Variants in ADAM9 observed in about 807,000 individuals in gnomAD.
ADAM9 encodes the protein disintegrin and metalloproteinase domain-containing protein 9.
A neutral mutation model predicts 108.1 loss-of-function variants in ADAM9; 54 were observed. That is an observed-to-expected ratio of 0.50 (90% CI 0.40 to 0.63). The LOEUF is 0.63. Among genes scored for constraint, ADAM9 ranks in the 20% least tolerant of loss-of-function variants. ADAM9 has a pLI of 0.00. For synonymous variants in ADAM9, 316 were observed against 336.0 expected, an observed-to-expected ratio of 0.94 and a Z score of 0.65; for missense variants, 830 against 997.7, an observed-to-expected ratio of 0.83 and a Z score of 2.26.
intron 14 of ADAM9, among the ~76,000 whole-genome samples, chr8:39,066,127 A>G (rs955911706): frequency 5.3e-5 from 8 of 152,194 alleles, no homozygotes; most frequent in African/African-American, 1.9e-4. Context: ...TCTATGTGCC[A>G]CGTTTTCTTA....
chr8:39,103,609 C>G lies in ADAM9; in HGVS notation c.2369C>G (p.Pro790Arg), dbSNP rs1839768748. The change falls in exon 22 of 22, where the codon CCA becomes CGA. Residue 790 changes from proline (P) to arginine (R), a missense_variant and splice_region_variant. This residue lies in a region of ADAM9 where 238 missense variants were observed against 235.7 expected (regional missense o/e 1.01). Coordinates refer to ENST00000487273, the MANE Select transcript of ADAM9 (RefSeq NM_003816.3). ...AKQPQQFPSR[P>R]PPPQPKVSSQ... ...AACTATCTCTTTTCCCCTCGCAGGC[C>G]ACCTCCACCACAACCGAAAGTATCA... The G allele has an allele frequency of 6.2e-7, 1 of 1,614,008 alleles. No homozygotes were observed. The highest frequency in any genetic ancestry group is 2.2e-5 in the East Asian group (1 of 44,868).
At chr8:39,036,035 T>G (rs1338185459) in intron 11 of ADAM9, among the ~76,000 whole-genome samples, 2 of 152,148 alleles carry the variant, frequency 1.3e-5, no homozygotes, top group Non-Finnish European at 2.9e-5. Context: ...TTTGGCTTTT[T>G]TTTTTAGATG....
At chr8:39,002,587 C>A (rs981056315) in intron 1 of ADAM9, among the ~76,000 whole-genome samples, 3 of 151,970 alleles carry the variant, frequency 2.0e-5, no homozygotes, top group Non-Finnish European at 4.4e-5. Context: ...TCCCAAATTG[C>A]TGGGACTATA....
chr8:39,081,214 G>A lies in ADAM9; in HGVS notation c.1882-1427G>A, dbSNP rs974741074. 3.9e-5 allele frequency among the ~76,000 whole-genome samples: 6 copies of A among 151,938 alleles called. 1 individual carries two copies. The highest frequency in any genetic ancestry group is 1.3e-4 in the Admixed American group (2 of 15,258). On this transcript the variant is annotated intron_variant, in intron 16 of 21. Transcript: ENST00000487273. ...TTCACCCACCTCGGCCTCCCAAAGT[G>A]CTGGGATTACAGGCGTGAGCCACTG...
At chr8:39,089,988 C>G in intron 18 of ADAM9, 59 bp from the exon 19 acceptor site, 1 of 1,493,918 alleles carries the variant, frequency 6.7e-7, no homozygotes. Flanking sequence ...TTATAATCAT[C>G]TAGTATTTTC....
intron 21 of ADAM9, 85 bp downstream of exon 21, chr8:39,102,015 A>G (rs952074859): frequency 1.1e-5 from 13 of 1,150,134 alleles, no homozygotes; most frequent in African/African-American, 1.1e-4. Flanking sequence ...TTTTAATGTA[A>G]TTTAGTGAAA....
chr8:39,083,866 A>T (rs979967703), intron 18 of ADAM9, among the ~76,000 whole-genome samples: 4 of 152,142 alleles, frequency 2.6e-5, no homozygotes, highest in Non-Finnish European at 5.9e-5. Flanking sequence ...CTAGTCATAT[A>T]GTAGGTGTAT....
chr8:39,024,289 G>A (rs145037064), intron 9 of ADAM9, among the ~76,000 whole-genome samples: 128 of 152,170 alleles, frequency 8.4e-4, no homozygotes, highest in African/African-American at 3.0e-3. Context: ...ACACATCCTC[G>A]TACCAGTGAG....
At chr8:39,041,427 C>A (rs1837453298) in intron 11 of ADAM9, among the ~76,000 whole-genome samples, 1 of 152,208 alleles carries the variant, frequency 6.6e-6, no homozygotes, top group Non-Finnish European at 1.5e-5. Flanking sequence ...CTACACTGTG[C>A]AGTCTGCCTT....
chr8:39,077,099 C>G (rs1838871866), intron 15 of ADAM9, 129 bp from the exon 16 acceptor site: 9 of 1,040,462 alleles, frequency 8.7e-6, no homozygotes, highest in Non-Finnish European at 1.3e-5. Context: ...CTCTCTTGCT[C>G]TCATACACTT....
chr8:39,029,059 G>A (rs1435032621), intron 11 of ADAM9, among the ~76,000 whole-genome samples: 1 of 151,476 alleles, frequency 6.6e-6, no homozygotes, highest in Non-Finnish European at 1.5e-5. Context: ...GTTTAAATAT[G>A]AAGATAACAT....
At chr8:39,045,137 T>TATGTGTATATATGTGTATACATAC (rs1837630368) in intron 12 of ADAM9, among the ~76,000 whole-genome samples, 1 of 111,764 alleles carries the variant, frequency 8.9e-6, no homozygotes, top group Non-Finnish European at 2.0e-5. Flanking sequence ...CATACATACA[T>TATGTGTATATATGTGTATACATAC]ATATGTGTAT....
chr8:39,073,234 G>A (rs920366754), intron 15 of ADAM9, among the ~76,000 whole-genome samples: 1 of 152,154 alleles, frequency 6.6e-6, no homozygotes, highest in Non-Finnish European at 1.5e-5. Flanking sequence ...TGTTATATCT[G>A]TTCCTTCAAT....
chr8:39,006,748 T>G (rs1421261479), intron 1 of ADAM9, among the ~76,000 whole-genome samples: 2 of 152,072 alleles, frequency 1.3e-5, no homozygotes, highest in African/African-American at 4.8e-5. Flanking sequence ...CAAGCCCTGC[T>G]TAAGACATCA....
chr8:39,010,865 G>A (rs995354533), intron 2 of ADAM9, among the ~76,000 whole-genome samples: 2 of 151,998 alleles, frequency 1.3e-5, no homozygotes, highest in South Asian at 2.1e-4. Flanking sequence ...TGGGAAGCTG[G>A]GTGGATCACC....
Position 39,104,783 on chromosome 8 carries a change from TATC to T in ADAM9, c.*1087_*1089del, listed in dbSNP as rs1032811373. 19 of 453,748 alleles carry T rather than the reference TATC, an allele frequency of 4.2e-5. No individual in the cohort carries two copies. Among genetic ancestry groups the T allele is most frequent in the African/African-American group, 3.0e-4 (15 of 50,002 alleles). The allele number at this position is 453,748 out of a possible 1,614,324, so 28.1% of individuals were successfully genotyped here. ...AAAAGTTACTGTGGTATCTATGAGT[TATC>T]ATCTTAGCTGTGTTAAAAATGAATT... On this transcript the variant is annotated 3_prime_UTR_variant, in exon 22 of 22. Coordinates refer to ENST00000487273, the MANE Select transcript of ADAM9 (RefSeq NM_003816.3).
intron 12 of ADAM9, among the ~76,000 whole-genome samples, chr8:39,042,503 A>T (rs984698541): frequency 6.6e-6 from 1 of 152,146 alleles, no homozygotes; most frequent in African/African-American, 2.4e-5. Context: ...TTAAAAATGA[A>T]TTGGAGCTGG....
chr8:39,019,317 T>C (rs56316649), intron 7 of ADAM9, among the ~76,000 whole-genome samples: 3,710 of 152,266 alleles, frequency 0.024, 171 homozygotes, highest in African/African-American at 0.085. Context: ...ATAACCTATA[T>C]TGCACTTTGA....
At position 39,021,629 on chromosome 8, in the gene ADAM9, C is replaced by G; in HGVS notation, c.673-14C>G. ...TACTTTGGTGATAATGATTCTCCTT[C>G]TTTGCTTTTCCAGTATGACATGATG... is the stretch of plus-strand genomic sequence containing the variant. On this transcript the variant is annotated splice_polypyrimidine_tract_variant and intron_variant, in intron 7 of 21. Coordinates refer to ENST00000487273, the MANE Select transcript of ADAM9 (RefSeq NM_003816.3). 3 of 1,611,618 alleles carry G rather than the reference C, an allele frequency of 1.9e-6. No individual in the cohort carries two copies. The highest frequency in any genetic ancestry group is 2.5e-6 in the Non-Finnish European group (3 of 1,177,758).
Sources: allele counts gnomAD v4.1 joint callset (sites outside exome capture counted in the v4.1 genomes callset), GRCh38; gene constraint gnomAD v4.1.1; regional missense constraint gnomAD v4.1.1; transcripts MANE v1.5; gene names NCBI Gene and HGNC (gene_info 2026-07-23, HGNC 2026-07-21).